The following STRN variants were observed in gnomAD, a reference collection of about 807,000 sequenced individuals.
STRN encodes the protein protein phosphatase 2 regulatory subunit B'''alpha.
In STRN, 53 loss-of-function variants were observed where a neutral mutation model predicts 96.3. The observed-to-expected ratio is 0.55, with a 90% confidence interval of 0.44 to 0.69. The LOEUF (loss-of-function observed/expected upper bound fraction) is 0.69, where lower values mean the gene tolerates loss of function less well. Among genes scored for constraint, STRN ranks in the 30% least tolerant of loss-of-function variants. The pLI, the probability that STRN is intolerant of heterozygous loss-of-function variation, is 0.00. For synonymous variants in STRN, 428 were observed against 355.9 expected, an observed-to-expected ratio of 1.20 and a Z score of -2.28; for missense variants, 987 against 963.9, an observed-to-expected ratio of 1.02 and a Z score of -0.32.
At chr2:36,917,429 G>C (rs1366675336) in intron 2 of STRN, among the ~76,000 whole-genome samples, 2 of 150,896 alleles carry the variant, frequency 1.3e-5, no homozygotes, top group East Asian at 3.9e-4. Context: ...GCTAAGGTGG[G>C]AGAATCACTT....
chr2:36,955,111 T>C (rs1437087430), intron 1 of STRN, among the ~76,000 whole-genome samples: 9 of 152,194 alleles, frequency 5.9e-5, no homozygotes, highest in Admixed American at 4.6e-4. Flanking sequence ...ATCTAAATAT[T>C]AAAATTCACT....
intron 3 of STRN, 51 bp from the exon 4 acceptor site, chr2:36,905,669 G>C: frequency 6.8e-7 from 1 of 1,463,406 alleles, no homozygotes; most frequent in Non-Finnish European, 9.6e-7. Context: ...GTATTAGAGG[G>C]CATCTTAATT....
chr2:36,886,648 GA>G (rs1243248624), intron 8 of STRN, 67 bp downstream of exon 8: 493 of 1,131,222 alleles, frequency 4.4e-4, no homozygotes, highest in South Asian at 8.1e-4. Context: ...GGAAAACATT[GA>G]AAAAAAAAAC....
rs1468524274 is a variant in STRN at position 36,899,553 on chromosome 2, T to C, written c.765A>G (p.Gly255=). ...SDEDEDDDVD[G]REKSVIDTST... is the part of the protein sequence containing the mutation. ...AAGTATCAATGACGCTTTTCTCTCT[T>C]CCATCAACATCATCATCTTCATCTT... The change falls in exon 6 of 18, where the codon GGA becomes GGG. Residue 255 remains glycine, a synonymous_variant. Coordinates refer to ENST00000263918, the MANE Select transcript of STRN (RefSeq NM_003162.4). 4 of 1,612,582 alleles carry C rather than the reference T, an allele frequency of 2.5e-6. No homozygotes were observed. Among genetic ancestry groups the C allele is most frequent in the South Asian group, 2.2e-5 (2 of 90,790 alleles).
intron 11 of STRN, among the ~76,000 whole-genome samples, chr2:36,868,122 T>G (rs957649506): frequency 1.3e-5 from 2 of 152,232 alleles, no homozygotes; most frequent in Non-Finnish European, 2.9e-5. Flanking sequence ...ACAGCTTCAT[T>G]CAAGAGAAAA....
intron 1 of STRN, among the ~76,000 whole-genome samples, chr2:36,950,696 C>A (rs976468090): frequency 6.6e-6 from 1 of 152,158 alleles, no homozygotes; most frequent in African/African-American, 2.4e-5. Context: ...AATGCCCCAA[C>A]CAAAAACCTT....
At position 36,846,403 on chromosome 2, in the gene STRN, A is replaced by ATATATATATATATAGTT. The variant is rs1668076901; in HGVS notation, c.*3052_*3053insAACTATATATATATATA. 3.4e-5 allele frequency: 4 copies of ATATATATATATATAGTT among 117,036 alleles called. No individual in the cohort carries two copies. The highest frequency in any genetic ancestry group is 1.9e-5 in the Non-Finnish European group (1 of 54,022). The allele number at this position is 117,036 out of a possible 1,614,324, so 7.2% of individuals were successfully genotyped here. A position where few individuals can be genotyped will look rare whatever the true frequency, so the allele number is the denominator to read the frequency against. On this transcript the variant is annotated 3_prime_UTR_variant, in exon 18 of 18. Transcript: ENST00000263918. The stretch of plus-strand genomic sequence containing the variant: ...ACCTATGGTTTATATATATATATAT[A>ATATATATATATATAGTT]TATATATATATATATATATATATAT...
At chr2:36,922,874 C>A (rs1435379378) in intron 2 of STRN, among the ~76,000 whole-genome samples, 2 of 152,180 alleles carry the variant, frequency 1.3e-5, no homozygotes, top group East Asian at 1.9e-4. Flanking sequence ...CCGGGCCGCA[C>A]GCGGTGGCTC....
intron 1 of STRN, among the ~76,000 whole-genome samples, chr2:36,961,290 T>A (rs114593794): frequency 0.057 from 8,672 of 151,694 alleles, 324 homozygotes; most frequent in East Asian, 0.13. Flanking sequence ...AAAAAATTTT[T>A]TTTTCTGGAG....
intron 1 of STRN, among the ~76,000 whole-genome samples, chr2:36,931,886 T>A (rs1294414280): frequency 6.6e-6 from 1 of 152,178 alleles, no homozygotes; most frequent in Non-Finnish European, 1.5e-5. Flanking sequence ...TGGAGTGCAG[T>A]CATAGCTCAC....
intron 7 of STRN, among the ~76,000 whole-genome samples, chr2:36,891,684 C>T (rs1669403617): frequency 1.3e-5 from 2 of 152,142 alleles, no homozygotes; most frequent in South Asian, 2.1e-4. Flanking sequence ...AGAGGAAGAA[C>T]ATTTCCTTGA....
At chr2:36,919,491 A>G (rs775678457) in intron 2 of STRN, among the ~76,000 whole-genome samples, 3 of 152,062 alleles carry the variant, frequency 2.0e-5, no homozygotes, top group Non-Finnish European at 4.4e-5. Flanking sequence ...GAAAAAAAAA[A>G]CACACACAGT....
At chr2:36,902,401 A>G (rs1669710053) in intron 5 of STRN, among the ~76,000 whole-genome samples, 183 bp downstream of exon 5, 1 of 152,200 alleles carries the variant, frequency 6.6e-6, no homozygotes, top group Admixed American at 6.5e-5. Flanking sequence ...ATATTCTTGA[A>G]TTAAAATAGT....
In STRN at chr2:36,839,699, TTGAAC is replaced by T. The variant is rs1667904094; in HGVS notation, c.*9752_*9756del. Among the ~76,000 whole-genome samples, 2 of 152,338 alleles carry T rather than the reference TTGAAC, an allele frequency of 1.3e-5. No individual in the cohort carries two copies. Among genetic ancestry groups the T allele is most frequent in the Admixed American group, 1.3e-4 (2 of 15,302 alleles). On this transcript the variant is annotated 3_prime_UTR_variant, in exon 18 of 18. Transcript: ENST00000263918. ...GGCCAAATTCCTGCTTTCTTCTGTG[TTGAAC>T]TGATCTTAAAGGAATCATATTTTTA...
chr2:36,935,366 CTT>C (rs1182697978), intron 1 of STRN, among the ~76,000 whole-genome samples: 3 of 152,128 alleles, frequency 2.0e-5, no homozygotes, highest in South Asian at 2.1e-4. Flanking sequence ...CTTTATGAGA[CTT>C]ATATTAATGT....
rs577447443 is a variant in STRN, at chr2:36,897,960, G to C, written c.795+1563C>G. On this transcript the variant is annotated intron_variant, in intron 6 of 17. Coordinates refer to ENST00000263918, the MANE Select transcript of STRN (RefSeq NM_003162.4). ...CCCACTTCAGCCTCCTGAGTAGCTGGGGTTACAGGCACAAGCCACTGCACG... is the reference window on the plus strand; with the variant it reads ...CCCACTTCAGCCTCCTGAGTAGCTGCGGTTACAGGCACAAGCCACTGCACG... 6.5e-3 allele frequency among the ~76,000 whole-genome samples: 992 copies of C among 152,062 alleles called. 14 individuals are homozygous for C. The highest frequency in any genetic ancestry group is 0.023 in the African/African-American group (955 of 41,468).
chr2:36,877,778 C>T (rs369730182), intron 10 of STRN, 113 bp downstream of exon 10: 12 of 1,185,082 alleles, frequency 1.0e-5, no homozygotes, highest in African/African-American at 3.1e-5. Context: ...TCAAGTGATC[C>T]GCCCACCTCG....
chr2:36,923,445 C>CAAAAA (rs1200328345), intron 2 of STRN, among the ~76,000 whole-genome samples: 1 of 58,510 alleles, frequency 1.7e-5, no homozygotes, highest in African/African-American at 6.0e-5. Context: ...AGCAGGACTC[C>CAAAAA]AAAAAAAAAA....
At chr2:36,892,769 C>G (rs1669433513) in intron 7 of STRN, among the ~76,000 whole-genome samples, 1 of 152,116 alleles carries the variant, frequency 6.6e-6, no homozygotes, top group South Asian at 2.1e-4. Context: ...GCTTGATATC[C>G]CAGCACCTTG....
Sources: gnomAD v4.1 joint callset for allele counts (sites outside exome capture counted in the v4.1 genomes callset) on GRCh38, gnomAD v4.1.1 for gene constraint, MANE v1.5 for transcripts, NCBI Gene and HGNC (gene_info 2026-07-23, HGNC 2026-07-21) for gene names.